Variants in NRG3 observed in about 807,000 individuals in gnomAD.
The protein encoded by NRG3 is neuregulin 3, also known as pro-neuregulin-3, membrane-bound isoform.
In NRG3, 31 loss-of-function variants were observed where a neutral mutation model predicts 66.9. That is an observed-to-expected ratio of 0.46 (90% confidence interval 0.35 to 0.63). NRG3 has a LOEUF of 0.63. Among genes scored for constraint, NRG3 ranks in the 20% least tolerant of loss-of-function variants. NRG3 has a pLI of 0.00. For synonymous variants in NRG3, 393 were observed against 359.4 expected (o/e 1.09, Z -1.06); for missense variants, 910 against 878.9 (o/e 1.04, Z -0.45).
At chr10:82,054,923 A>G (rs1322539957) in intron 1 of NRG3, among the ~76,000 whole-genome samples, 2 of 151,404 alleles carry the variant, frequency 1.3e-5, no homozygotes, top group African/African-American at 4.9e-5. Flanking sequence ...TTGCTTGAAC[A>G]TGTGAAATAT....
At chr10:82,853,359 T>C (rs2063654886) in intron 3 of NRG3, among the ~76,000 whole-genome samples, 1 of 152,186 alleles carries the variant, frequency 6.6e-6, no homozygotes, top group Admixed American at 6.5e-5. Context: ...GGGAATTGCA[T>C]TGAATTTGTA....
intron 1 of NRG3, among the ~76,000 whole-genome samples, chr10:81,950,408 G>A (rs1849245374): frequency 6.6e-6 from 1 of 152,182 alleles, no homozygotes; most frequent in Admixed American, 6.5e-5. Flanking sequence ...CTTTACAGAT[G>A]AGGAAAGTCA....
chr10:82,294,390 T>G (rs2079927919), intron 1 of NRG3, among the ~76,000 whole-genome samples: 1 of 152,158 alleles, frequency 6.6e-6, no homozygotes, highest in African/African-American at 2.4e-5. Context: ...ATAATTTATA[T>G]AAAGTGATGT....
chr10:82,580,346 C>G (rs369782686), intron 2 of NRG3, among the ~76,000 whole-genome samples: 4 of 151,890 alleles, frequency 2.6e-5, no homozygotes, highest in South Asian at 2.1e-4. Flanking sequence ...ACTCCCCCCC[C>G]ACAGTTTCCA....
At chr10:82,666,694 C>T (rs2052812999) in intron 2 of NRG3, among the ~76,000 whole-genome samples, 1 of 152,182 alleles carries the variant, frequency 6.6e-6, no homozygotes, top group Non-Finnish European at 1.5e-5. Flanking sequence ...GGCTAGAGTT[C>T]TTTACAAACT....
intron 2 of NRG3, among the ~76,000 whole-genome samples, chr10:82,372,050 A>C (rs916227103): frequency 6.6e-6 from 1 of 152,200 alleles, no homozygotes; most frequent in African/African-American, 2.4e-5. Context: ...TACATAGAAG[A>C]TTCCAAAAAT....
intron 3 of NRG3, among the ~76,000 whole-genome samples, chr10:82,779,991 G>A (rs35402544): frequency 0.14 from 21,586 of 151,486 alleles, 1,851 homozygotes; most frequent in South Asian, 0.24. Context: ...CTGTTCTTGC[G>A]TTAGTTTGCT....
intron 2 of NRG3, among the ~76,000 whole-genome samples, chr10:82,659,574 G>T (rs2052155738): frequency 6.6e-6 from 1 of 152,144 alleles, no homozygotes; most frequent in Non-Finnish European, 1.5e-5. Flanking sequence ...GAACATGGGG[G>T]TGAAGGTTGC....
At chr10:81,924,259 T>G (rs1035824321) in intron 1 of NRG3, among the ~76,000 whole-genome samples, 7 of 152,228 alleles carry the variant, frequency 4.6e-5, no homozygotes, top group African/African-American at 1.7e-4. Context: ...GTAGAAATGA[T>G]GTTTGTATTA....
chr10:82,941,830 G>T (rs1486685808), intron 4 of NRG3, among the ~76,000 whole-genome samples: 1 of 152,158 alleles, frequency 6.6e-6, no homozygotes, highest in African/African-American at 2.4e-5. Context: ...TGAATACTTG[G>T]ATAGAAAGGA....
intron 2 of NRG3, among the ~76,000 whole-genome samples, chr10:82,494,648 C>G (rs1179622255): frequency 6.6e-6 from 1 of 152,076 alleles, no homozygotes; most frequent in Non-Finnish European, 1.5e-5. Flanking sequence ...GCCACTAAAT[C>G]CATCACCCCC....
chr10:82,765,089 A>C (rs1409120460), intron 3 of NRG3, among the ~76,000 whole-genome samples: 2 of 152,192 alleles, frequency 1.3e-5, no homozygotes, highest in African/African-American at 4.8e-5. Context: ...TATTTTGGAA[A>C]GGGTTTGAAC....
chr10:82,896,698 T>A (rs1361511330), intron 4 of NRG3, among the ~76,000 whole-genome samples: 1 of 152,194 alleles, frequency 6.6e-6, no homozygotes, highest in East Asian at 1.9e-4. Flanking sequence ...GAAACTAGAT[T>A]TAATATCATG....
chr10:82,275,547 A>C (rs193279809), intron 1 of NRG3, among the ~76,000 whole-genome samples: 169 of 152,170 alleles, frequency 1.1e-3, no homozygotes, highest in African/African-American at 3.8e-3. Context: ...TTTTCAGCAC[A>C]GAGTGATGAT....
At chr10:82,343,256 C>A (rs546121452) in intron 1 of NRG3, among the ~76,000 whole-genome samples, 1 of 151,960 alleles carries the variant, frequency 6.6e-6, no homozygotes, top group Non-Finnish European at 1.5e-5. Flanking sequence ...TTGCTAAACA[C>A]CAATAATAAT....
At chr10:82,904,113 A>G (rs763333760) in intron 4 of NRG3, among the ~76,000 whole-genome samples, 4 of 152,170 alleles carry the variant, frequency 2.6e-5, no homozygotes, top group Non-Finnish European at 5.9e-5. Flanking sequence ...AGCTTGTCCA[A>G]CCCATGTCCC....
Position 82,213,474 on chromosome 10 carries a change from T to A in NRG3, c.824-145265T>A, listed in dbSNP as rs183070090. Among the ~76,000 whole-genome samples the A allele has an allele frequency of 2.0e-3, 302 of 152,312 alleles. 2 individuals are homozygous for A. Among genetic ancestry groups the A allele is most frequent in the African/African-American group, 6.7e-3 (277 of 41,576 alleles). On this transcript the variant is annotated intron_variant, in intron 1 of 8. Transcript: ENST00000372141. ...ACAAAAGTGAATTCTGTGTTTAGAC[T>A]TCAGTCTCATCCTCAAGATATTATG...
chr10:82,431,256 A>G (rs1449266830), intron 2 of NRG3, among the ~76,000 whole-genome samples: 2 of 152,268 alleles, frequency 1.3e-5, no homozygotes, highest in East Asian at 3.9e-4. Flanking sequence ...GAGATCAACT[A>G]GTAACAGTTC....
chr10:81,903,994 ATATTTTTT>A (rs1038352423), intron 1 of NRG3, among the ~76,000 whole-genome samples: 30 of 103,478 alleles, frequency 2.9e-4, no homozygotes, highest in African/African-American at 1.0e-3. Flanking sequence ...ATATATATAT[ATATTTTTT>A]TTTTTTGTTT....
Sources: allele counts gnomAD v4.1 joint callset (sites outside exome capture counted in the v4.1 genomes callset), GRCh38; gene constraint gnomAD v4.1.1; transcripts MANE v1.5; gene names NCBI Gene and HGNC (gene_info 2026-07-23, HGNC 2026-07-21).